Variants in EPHA3 observed in about 807,000 individuals in gnomAD.
EPHA3 encodes the protein ephrin type-A receptor 3.
A neutral mutation model predicts 107.1 loss-of-function variants in EPHA3; 42 were observed. The observed-to-expected ratio is 0.39, with a 90% CI of 0.31 to 0.51. The LOEUF (loss-of-function observed/expected upper bound fraction) is 0.51, where lower values mean the gene tolerates loss of function less well. Among genes scored for constraint, EPHA3 ranks in the 20% least tolerant of loss-of-function variants. The pLI is 0.78. For synonymous variants in EPHA3, 461 were observed against 424.8 expected (o/e 1.09, Z -1.05); for missense variants, 1,183 against 1,211.2 (o/e 0.98, Z 0.35).
At chr3:89,322,321 T>A (rs1380535358) in intron 3 of EPHA3, among the ~76,000 whole-genome samples, 1 of 152,086 alleles carries the variant, frequency 6.6e-6, no homozygotes, top group Admixed American at 6.6e-5. Flanking sequence ...GCCCTAGGAT[T>A]TGGACTAATA....
intron 3 of EPHA3, among the ~76,000 whole-genome samples, chr3:89,284,626 T>A (rs1055557190): frequency 6.6e-6 from 1 of 152,132 alleles, no homozygotes; most frequent in African/African-American, 2.4e-5. Context: ...AAAATTATAT[T>A]ATTTCCCGTA....
At chr3:89,262,111 T>A (rs1705431254) in intron 3 of EPHA3, among the ~76,000 whole-genome samples, 1 of 152,080 alleles carries the variant, frequency 6.6e-6, no homozygotes, top group Admixed American at 6.6e-5. Context: ...CAAAAGGAAC[T>A]CTCGTATTCA....
In EPHA3 at chr3:89,222,762, C is replaced by A. The variant is rs559133848; in HGVS notation, c.814+12242C>A. Among the ~76,000 whole-genome samples the A allele has an allele frequency of 1.7e-3, 264 of 152,076 alleles. 1 individual carries two copies. Among genetic ancestry groups the A allele is most frequent in the African/African-American group, 5.4e-3 (226 of 41,522 alleles). On this transcript the variant is annotated intron_variant, in intron 3 of 16. Transcript: ENST00000336596. ...TTCTTTTACTGCTTTTAGAATGAGG[C>A]AGCACACAAAATACGTTAATAAATA...
chr3:89,406,487 A>G (rs1559684231), intron 7 of EPHA3, among the ~76,000 whole-genome samples: 1 of 152,304 alleles, frequency 6.6e-6, no homozygotes, highest in East Asian at 1.9e-4. Context: ...CAACTTGCCC[A>G]TTCTAGCATA....
intron 1 of EPHA3, among the ~76,000 whole-genome samples, chr3:89,121,398 T>C (rs1707381370): frequency 6.6e-6 from 1 of 152,162 alleles, no homozygotes; most frequent in Non-Finnish European, 1.5e-5. Flanking sequence ...CACATAATAG[T>C]TGACTTCGTT....
chr3:89,245,780 C>T (rs924343477), intron 3 of EPHA3, among the ~76,000 whole-genome samples: 4 of 152,160 alleles, frequency 2.6e-5, no homozygotes, highest in African/African-American at 9.7e-5. Context: ...AGAGTGCTAG[C>T]CCTGGCTGGT....
chr3:89,387,551 G>A (rs1708645654), intron 5 of EPHA3, among the ~76,000 whole-genome samples: 1 of 152,068 alleles, frequency 6.6e-6, no homozygotes. Context: ...AGAATGAACT[G>A]ATATAACCTC....
intron 11 of EPHA3, among the ~76,000 whole-genome samples, chr3:89,424,417 C>T (rs1396500430): frequency 2.6e-5 from 4 of 151,298 alleles, no homozygotes; most frequent in Non-Finnish European, 4.4e-5. Flanking sequence ...AACAAACCCA[C>T]AAATGTCACA....
At position 89,419,351 on chromosome 3, in the gene EPHA3, C is replaced by T. The variant is rs202059523; in HGVS notation, c.2035C>T (p.His679Tyr). 1.2e-6 allele frequency: 2 copies of T among 1,609,196 alleles called. No individual in the cohort carries two copies. The highest frequency in any genetic ancestry group is 1.3e-5 in the African/African-American group (1 of 74,582). Residue 679 changes from histidine to tyrosine, a missense_variant, in exon 11 of 17, where the codon CAC (histidine) becomes TAC (tyrosine). His to Tyr is a moderately conservative substitution (Grantham distance 83, BLOSUM62 2). Coordinates refer to ENST00000336596, the MANE Select transcript of EPHA3 (RefSeq NM_005233.6). ...AGCAAGCATTATGGGACAGTTTGAC[C>T]ACCCCAATATCATTCGACTGGAAGG... ...GEASIMGQFDHPNIIRLEGVV... is the reference protein window; with the variant it reads ...GEASIMGQFDYPNIIRLEGVV...
chr3:89,402,681 T>G (rs1275376235), intron 7 of EPHA3, among the ~76,000 whole-genome samples: 3 of 152,064 alleles, frequency 2.0e-5, no homozygotes, highest in Admixed American at 6.6e-5. Context: ...TTTTAATATT[T>G]TATTTTATTT....
intron 7 of EPHA3, chr3:89,399,737 T>C (rs112201411): frequency 6.0e-6 from 7 of 1,160,254 alleles, no homozygotes; most frequent in Non-Finnish European, 7.5e-6. Context: ...TTTTTTTTTT[T>C]TAGCCATAAA....
Position 89,395,974 on chromosome 3 carries a change from T to C in EPHA3, c.1431+13T>C, listed in dbSNP as rs745681356. 3.1e-6 allele frequency: 5 copies of C among 1,613,344 alleles called. No homozygotes were observed. The South Asian group carries it at 3.3e-5, about 11-fold the overall frequency. Reference sequence around the variant, plus strand: ...ATACTATGAAAAGGTGGGGAAACAATGTTTAAGGGTTGGGCTGTGTAGGCA... The same window carrying C: ...ATACTATGAAAAGGTGGGGAAACAACGTTTAAGGGTTGGGCTGTGTAGGCA... On this transcript the variant is annotated intron_variant, in intron 6 of 16. Transcript: ENST00000336596.
intron 3 of EPHA3, among the ~76,000 whole-genome samples, chr3:89,282,746 C>A (rs930375504): frequency 1.3e-5 from 2 of 151,980 alleles, no homozygotes; most frequent in East Asian, 1.9e-4. Context: ...TTGAATCATG[C>A]GTGATCTGTA....
chr3:89,472,114 T>C (rs1197999187), intron 15 of EPHA3, among the ~76,000 whole-genome samples: 1 of 152,222 alleles, frequency 6.6e-6, no homozygotes, highest in Admixed American at 6.5e-5. Flanking sequence ...AAGAATTCAG[T>C]GTGTCCTGCC....
chr3:89,284,869 G>A (rs1285878359), intron 3 of EPHA3, among the ~76,000 whole-genome samples: 1 of 152,184 alleles, frequency 6.6e-6, no homozygotes. Flanking sequence ...GCTCACGCCT[G>A]TAATTCCAGC....
intron 2 of EPHA3, among the ~76,000 whole-genome samples, chr3:89,207,012 C>T (rs777327364): frequency 1.2e-4 from 18 of 151,960 alleles, no homozygotes; most frequent in Middle Eastern, 6.8e-3. Context: ...AGATCCTGAA[C>T]GATCAAGGTT....
At chr3:89,324,757 G>T (rs1707128117) in intron 3 of EPHA3, among the ~76,000 whole-genome samples, 1 of 151,708 alleles carries the variant, frequency 6.6e-6, no homozygotes. Flanking sequence ...TTGTTATATG[G>T]CTATATTGTG....
chr3:89,388,247 A>G (rs1056906310), intron 5 of EPHA3, among the ~76,000 whole-genome samples: 8 of 152,160 alleles, frequency 5.3e-5, no homozygotes, highest in Admixed American at 2.0e-4. Flanking sequence ...CTTTATTCCA[A>G]GGCTAACCAA....
intron 2 of EPHA3, among the ~76,000 whole-genome samples, chr3:89,166,218 T>C (rs1705060584): frequency 6.6e-6 from 1 of 152,162 alleles, no homozygotes; most frequent in Non-Finnish European, 1.5e-5. Flanking sequence ...ATTCTTCGTT[T>C]ATCTTCTTCT....
Sources: gnomAD v4.1 joint callset for allele counts (sites outside exome capture counted in the v4.1 genomes callset) on GRCh38, gnomAD v4.1.1 for gene constraint, MANE v1.5 for transcripts, NCBI Gene and HGNC (gene_info 2026-07-23, HGNC 2026-07-21) for gene names.